Variants in RNASEH2B observed in about 807,000 individuals in gnomAD.
The protein encoded by RNASEH2B is Aicardi-Goutieres syndrome 2 protein.
Under a neutral mutation model 45.0 loss-of-function variants are expected in RNASEH2B, and 36 were observed. That is an observed-to-expected ratio of 0.80 (90% CI 0.61 to 1.06). The LOEUF (loss-of-function observed/expected upper bound fraction) is 1.06, where lower values mean the gene tolerates loss of function less well. RNASEH2B is among the 50% of genes least tolerant of loss of function. The pLI is 0.00. For missense variants in RNASEH2B, 361 were observed against 360.3 expected (o/e 1.00, Z -0.02); for synonymous variants, 119 against 125.7 (o/e 0.95, Z 0.35).
intron 1 of RNASEH2B, among the ~76,000 whole-genome samples, chr13:50,924,513 G>A (rs1408280978): frequency 1.3e-5 from 2 of 152,108 alleles, no homozygotes; most frequent in African/African-American, 4.8e-5. Flanking sequence ...CAAATTACAT[G>A]AACCAAAAAC....
chr13:50,915,556 A>G (rs1593445568), intron 1 of RNASEH2B: 1 of 398,458 alleles, frequency 2.5e-6, no homozygotes, highest in East Asian at 3.6e-5. Context: ...ATATGTATTG[A>G]ACACCTAATA....
At chr13:50,923,405 CAA>C (rs1951549794) in intron 1 of RNASEH2B, among the ~76,000 whole-genome samples, 1 of 151,986 alleles carries the variant, frequency 6.6e-6, no homozygotes, top group Non-Finnish European at 1.5e-5. Context: ...TGTGAAAAGA[CAA>C]AGAGAATCTT....
At chr13:50,927,313 T>C (rs1749273417) in intron 1 of RNASEH2B, 94 bp from the exon 2 acceptor site, 1 of 777,608 alleles carries the variant, frequency 1.3e-6, no homozygotes. Context: ...CTTACAAAAG[T>C]CATATAAGTA....
chr13:50,937,043 A>C (rs1454795419), intron 5 of RNASEH2B: 2 of 152,070 alleles, frequency 1.3e-5, no homozygotes, highest in African/African-American at 4.8e-5. Context: ...TTTATTTTTA[A>C]GTGATGGGCA....
chr13:50,910,117 G>T lies in RNASEH2B; in HGVS notation c.41G>T (p.Arg14Leu). The change falls in exon 1 of 11, where the codon CGG (arginine) becomes CTG (leucine). Residue 14 changes from arginine (R) to leucine (L), a missense_variant. Arg to Leu is a moderately radical substitution (Grantham distance 102). Transcript: ENST00000336617. ...GVDCGDGVGA[R>L]QHVFLVSEYL... ...GACTGCGGGGACGGGGTTGGCGCCC[G>T]GCAGCACGTGTTCCTGGTTTCAGGT... 6.9e-7 allele frequency: 1 copy of T among 1,458,988 alleles called. No homozygotes were observed. 90.4% of individuals were successfully genotyped at this position (1,458,988 alleles called of 1,614,324 possible). A position where few individuals can be genotyped will look rare whatever the true frequency, so the allele number is the denominator to read the frequency against.
In RNASEH2B at chr13:50,910,111, G is replaced by C; in HGVS notation, c.35G>C (p.Gly12Ala). ...GGCGTGGACTGCGGGGACGGGGTTG[G>C]CGCCCGGCAGCACGTGTTCCTGGTT... ...AAGVDCGDGV[G>A]ARQHVFLVSE... Residue 12 changes from glycine (G) to alanine (A), a missense_variant, in exon 1 of 11, where the codon GGC (glycine) becomes GCC (alanine). Physicochemically the swap from Gly to Ala is moderately conservative, Grantham distance 60. Coordinates refer to ENST00000336617, the MANE Select transcript of RNASEH2B (RefSeq NM_024570.4). 2.1e-6 allele frequency: 3 copies of C among 1,459,812 alleles called. No individual in the cohort carries two copies. The South Asian group carries it at 4.1e-5, about 20-fold the overall frequency. The allele number at this position is 1,459,812 out of a possible 1,614,324, so 90.4% of individuals were successfully genotyped here.
intron 9 of RNASEH2B, among the ~76,000 whole-genome samples, chr13:50,964,336 T>TA (rs1952143647): frequency 2.0e-5 from 3 of 152,270 alleles, no homozygotes; most frequent in Admixed American, 2.0e-4. Flanking sequence ...CTATTTCTTT[T>TA]ACGATCATTT....
chr13:50,943,320 G>A lies in RNASEH2B; in HGVS notation c.437-1G>A, dbSNP rs777313709. ...GTGCTGAGTCTTTTTTTTCTTTTAA[G>A]GTAATCCAGAAATAGACAACAAGAA... On this transcript the variant is annotated splice_acceptor_variant, in intron 5 of 10. Transcript: ENST00000336617. LOFTEE classifies it high-confidence loss of function. 1.3e-6 allele frequency: 2 copies of A among 1,557,524 alleles called. No individual in the cohort carries two copies. The highest frequency in any genetic ancestry group is 1.8e-6 in the Non-Finnish European group (2 of 1,132,758).
rs763103642 is a variant in RNASEH2B at position 50,910,122 on chromosome 13, C to T, written c.46C>T (p.His16Tyr). The T allele has an allele frequency of 1.0e-5, 15 of 1,460,054 alleles. 1 individual carries two copies. The South Asian group carries it at 1.5e-4, about 15-fold the overall frequency. The allele number at this position is 1,460,054 out of a possible 1,614,324, so 90.4% of individuals were successfully genotyped here. Residue 16 changes from histidine (H) to tyrosine (Y), a missense_variant, in exon 1 of 11, where the codon CAC becomes TAC. Coordinates refer to ENST00000336617, the MANE Select transcript of RNASEH2B (RefSeq NM_024570.4). ...CGGGGACGGGGTTGGCGCCCGGCAG[C>T]ACGTGTTCCTGGTTTCAGGTAAACA... ...DCGDGVGARQ[H>Y]VFLVSEYLKD...
At chr13:50,948,271 A>G in intron 8 of RNASEH2B, 1 of 742,940 alleles carries the variant, frequency 1.3e-6, no homozygotes, top group Non-Finnish European at 2.0e-6. Context: ...TGCAGGAACT[A>G]GTGAATGTCA....
chr13:50,966,219 G>A (rs1384477002), intron 9 of RNASEH2B, among the ~76,000 whole-genome samples: 1 of 152,078 alleles, frequency 6.6e-6, no homozygotes, highest in Non-Finnish European at 1.5e-5. Context: ...ATACACATAA[G>A]TACACACAAA....
chr13:50,923,172 G>C (rs1177625290), intron 1 of RNASEH2B, among the ~76,000 whole-genome samples: 1 of 152,126 alleles, frequency 6.6e-6, no homozygotes, highest in African/African-American at 2.4e-5. Flanking sequence ...CCTGAACCTA[G>C]TCCCAGAGAC....
chr13:50,939,356 C>CAAAAAGAAAA (rs71190394), intron 5 of RNASEH2B, among the ~76,000 whole-genome samples: 1 of 145,644 alleles, frequency 6.9e-6, no homozygotes, highest in Admixed American at 6.8e-5. Context: ...GACTCTGTTT[C>CAAAAAGAAAA]AAAAGAAAAA....
intron 6 of RNASEH2B, among the ~76,000 whole-genome samples, chr13:50,944,473 G>A (rs140150157): frequency 6.6e-6 from 1 of 152,122 alleles, no homozygotes; most frequent in African/African-American, 2.4e-5. Context: ...GCAAGAGGAG[G>A]GAGAGCATTA....
At chr13:50,967,527 C>A (rs904857006) in intron 9 of RNASEH2B, among the ~76,000 whole-genome samples, 4 of 152,124 alleles carry the variant, frequency 2.6e-5, no homozygotes, top group African/African-American at 7.2e-5. Flanking sequence ...TGCAGTTGAA[C>A]AAGGGAAGGT....
chr13:50,934,726 G>A (rs950385448), intron 4 of RNASEH2B, 159 bp from the exon 5 acceptor site: 18 of 668,510 alleles, frequency 2.7e-5, no homozygotes, highest in Admixed American at 6.3e-5. Flanking sequence ...GCTGGGGTCC[G>A]TCCTAGAGCC....
chr13:50,924,212 A>G (rs1951560453), intron 1 of RNASEH2B, among the ~76,000 whole-genome samples: 1 of 152,218 alleles, frequency 6.6e-6, no homozygotes, highest in African/African-American at 2.4e-5. Flanking sequence ...TGCACTAAGC[A>G]CTTCTATTAA....
chr13:50,949,215 C>A, intron 8 of RNASEH2B: 1 of 457,272 alleles, frequency 2.2e-6, no homozygotes, highest in South Asian at 3.2e-5. Flanking sequence ...AACTCTGTTC[C>A]AACAGATGGG....
intron 1 of RNASEH2B, 58 bp from the exon 2 acceptor site, chr13:50,927,349 A>G: frequency 3.0e-6 from 3 of 1,011,480 alleles, no homozygotes; most frequent in Non-Finnish European, 4.7e-6. Context: ...GGGTAAAGTA[A>G]GGTGAGCAAC....
Sources: gnomAD v4.1 joint callset for allele counts (sites outside exome capture counted in the v4.1 genomes callset) on GRCh38, gnomAD v4.1.1 for gene constraint, MANE v1.5 for transcripts, NCBI Gene and HGNC (gene_info 2026-07-23, HGNC 2026-07-21) for gene names.